PACS1: variants seen among roughly 807,000 people sequenced by gnomAD.
PACS1 encodes the protein PACS-1.
A neutral mutation model predicts 115.0 loss-of-function variants in PACS1; 24 were observed. That is an observed-to-expected ratio of 0.21 (90% CI 0.15 to 0.29). PACS1 has a LOEUF of 0.29. Ranked by LOEUF, PACS1 falls within the 10% of genes least tolerant of loss-of-function variation. The pLI, the probability that PACS1 is intolerant of heterozygous loss-of-function variation, is 1.00. For synonymous variants in PACS1, 453 were observed against 504.5 expected, an observed-to-expected ratio of 0.90 and a Z score of 1.37; for missense variants, 838 against 1,251.2, an observed-to-expected ratio of 0.67 and a Z score of 4.98.
intron 1 of PACS1, among the ~76,000 whole-genome samples, chr11:66,087,306 T>G (rs1857590434): frequency 6.6e-6 from 1 of 152,016 alleles, no homozygotes; most frequent in South Asian, 2.1e-4. Context: ...AATGGCACGA[T>G]CTCTGCTCAC....
At chr11:66,100,578 TG>T (rs1263056195) in intron 1 of PACS1, among the ~76,000 whole-genome samples, 2 of 152,244 alleles carry the variant, frequency 1.3e-5, no homozygotes, top group East Asian at 3.8e-4. Context: ...CATTATCTAC[TG>T]TTGTGTAAAA....
chr11:66,071,059 GTCCTC>G (rs1311366629), intron 1 of PACS1, among the ~76,000 whole-genome samples: 5 of 152,160 alleles, frequency 3.3e-5, no homozygotes, highest in Non-Finnish European at 7.4e-5. Flanking sequence ...CCACCCTTCT[GTCCTC>G]CCCGAGGGAC....
chr11:66,239,517 C>G (rs578153171), intron 21 of PACS1, among the ~76,000 whole-genome samples: 14 of 152,046 alleles, frequency 9.2e-5, no homozygotes, highest in African/African-American at 3.4e-4. Context: ...GACCCTGTCT[C>G]TCAAAAAAAA....
chr11:66,173,929 G>A (rs1859794506), intron 1 of PACS1, among the ~76,000 whole-genome samples: 1 of 152,076 alleles, frequency 6.6e-6, no homozygotes, highest in Admixed American at 6.6e-5. Flanking sequence ...GCACGCGCCT[G>A]TAATCCCAGC....
intron 1 of PACS1, among the ~76,000 whole-genome samples, chr11:66,118,769 CA>C (rs397945291): frequency 0.029 from 2,446 of 83,646 alleles, 18 homozygotes; most frequent in African/African-American, 0.091. Context: ...CCCATGTCTA[CA>C]AAAAAAAAAA....
In PACS1 at chr11:66,235,496, C is replaced by A; in HGVS notation, c.2207+93C>A. ...TGCTTTCTCACATTTTCCTTCTCCA[C>A]ATGCTATATTCCTTCATAGGAACCC... On this transcript the variant is annotated intron_variant, in intron 18 of 23. Transcript: ENST00000320580. The surrounding 1 kb of genome is among the most constrained non-coding windows in gnomAD (Gnocchi z 5.6). 1 of 916,118 alleles carries A rather than the reference C, an allele frequency of 1.1e-6. No individual in the cohort carries two copies. Among genetic ancestry groups the A allele is most frequent in the Non-Finnish European group, 1.7e-6 (1 of 572,000 alleles). The allele number at this position is 916,118 out of a possible 1,614,324, so 56.7% of individuals were successfully genotyped here.
intron 1 of PACS1, among the ~76,000 whole-genome samples, chr11:66,076,426 G>T (rs764017603): frequency 6.6e-6 from 1 of 151,808 alleles, no homozygotes; most frequent in Non-Finnish European, 1.5e-5. Context: ...TTTGAGACAG[G>T]GTCTTGTTCT....
At chr11:66,241,114 G>A (rs1489327670) in intron 21 of PACS1, 7 of 311,806 alleles carry the variant, frequency 2.2e-5, no homozygotes, top group African/African-American at 1.5e-4. Context: ...GTATATGTGT[G>A]TGCACGCATG....
chr11:66,129,628 A>G (rs1411275453), intron 1 of PACS1, among the ~76,000 whole-genome samples: 2 of 152,008 alleles, frequency 1.3e-5, no homozygotes, highest in Non-Finnish European at 2.9e-5. Flanking sequence ...GTTTTTGTGT[A>G]TTATACACAT....
At chr11:66,232,578 T>C (rs1354043519) in intron 14 of PACS1, among the ~76,000 whole-genome samples, 1 of 152,180 alleles carries the variant, frequency 6.6e-6, no homozygotes, top group Non-Finnish European at 1.5e-5. Flanking sequence ...GGCAGCATAG[T>C]GGAACGGAGG....
At chr11:66,079,743 A>C (rs1857452341) in intron 1 of PACS1, among the ~76,000 whole-genome samples, 1 of 152,218 alleles carries the variant, frequency 6.6e-6, no homozygotes, top group Admixed American at 6.5e-5. Context: ...GGGTGAAGAT[A>C]AGAGACACCA....
intron 21 of PACS1, chr11:66,241,074 T>G: frequency 6.2e-6 from 1 of 161,206 alleles, no homozygotes; most frequent in Non-Finnish European, 1.4e-5. Flanking sequence ...CTGCTGGGCG[T>G]GTATGTGTGT....
At chr11:66,089,966 A>AC (rs1857630553) in intron 1 of PACS1, among the ~76,000 whole-genome samples, 1 of 135,194 alleles carries the variant, frequency 7.4e-6, no homozygotes, top group Non-Finnish European at 1.5e-5. Flanking sequence ...AGATCGCGCC[A>AC]CTGCACTCCA....
At chr11:66,209,921 A>AT (rs1030710876) in intron 2 of PACS1, among the ~76,000 whole-genome samples, 32 of 148,066 alleles carry the variant, frequency 2.2e-4, no homozygotes, top group Non-Finnish European at 3.0e-4. Flanking sequence ...ATAAAATTTA[A>AT]TTTTTTTTTT....
intron 1 of PACS1, among the ~76,000 whole-genome samples, chr11:66,104,068 C>G (rs746794289): frequency 7.2e-5 from 11 of 152,126 alleles, no homozygotes; most frequent in Non-Finnish European, 1.5e-4. Flanking sequence ...CATTATCTCT[C>G]CTAAAATAAT....
intron 2 of PACS1, among the ~76,000 whole-genome samples, chr11:66,199,606 A>G (rs1419299989): frequency 6.6e-6 from 1 of 152,210 alleles, no homozygotes; most frequent in Non-Finnish European, 1.5e-5. Flanking sequence ...TAAGACCACA[A>G]AACAACCAGA....
chr11:66,070,421 C>A lies in PACS1; in HGVS notation c.-66C>A. 7 of 1,017,488 alleles carry A rather than the reference C, an allele frequency of 6.9e-6. No homozygotes were observed. The highest frequency in any genetic ancestry group is 8.7e-6 in the Non-Finnish European group (7 of 802,164). The allele number at this position is 1,017,488 out of a possible 1,614,324, so 63.0% of individuals were successfully genotyped here. ...GCTGCCGCGCCCCCGCCGCCGCCGCCGCGGGGGAAGCCTGGGAGCCAGATC... is the reference window on the plus strand; with the variant it reads ...GCTGCCGCGCCCCCGCCGCCGCCGCAGCGGGGGAAGCCTGGGAGCCAGATC... On this transcript the variant is annotated 5_prime_UTR_variant, in exon 1 of 24. Coordinates refer to ENST00000320580, the MANE Select transcript of PACS1 (RefSeq NM_018026.4). This position sits in a 1 kb window ranked among gnomAD's most constrained non-coding sequence, Gnocchi z 5.9.
At chr11:66,239,530 C>A (rs985480057) in intron 21 of PACS1, among the ~76,000 whole-genome samples, 3 of 152,110 alleles carry the variant, frequency 2.0e-5, no homozygotes, top group Non-Finnish European at 2.9e-5. Context: ...AAAAAAAAAC[C>A]CAAAACACTA....
At chr11:66,153,597 C>T (rs479549) in intron 1 of PACS1, among the ~76,000 whole-genome samples, 38,356 of 151,978 alleles carry the variant, frequency 0.25, 5,798 homozygotes, top group South Asian at 0.46. Flanking sequence ...CTGGCTAACA[C>T]GGTGAAACCC....
Sources: gnomAD v4.1 joint callset for allele counts (sites outside exome capture counted in the v4.1 genomes callset) on GRCh38, gnomAD v4.1.1 for gene constraint, Gnocchi (gnomAD v3.1) non-coding constraint, MANE v1.5 for transcripts, NCBI Gene and HGNC (gene_info 2026-07-23, HGNC 2026-07-21) for gene names.